PRKCSH: variants seen among roughly 807,000 people sequenced by gnomAD.
PRKCSH encodes PRKCSH beta subunit of glucosidase II.
PRKCSH carries 42 observed loss-of-function variants against 79.7 expected under a neutral mutation model. That is an observed-to-expected ratio of 0.53 (90% confidence interval 0.41 to 0.68). The LOEUF (loss-of-function observed/expected upper bound fraction) is 0.68, where lower values mean the gene tolerates loss of function less well. Ranked by LOEUF, PRKCSH falls within the 30% of genes least tolerant of loss-of-function variation. The probability of loss-of-function intolerance (pLI) is 0.00; values close to 1 mark genes in which losing one functional copy is unlikely to be tolerated. For synonymous variants in PRKCSH, 325 were observed against 288.2 expected, an observed-to-expected ratio of 1.13 and a Z score of -1.29; for missense variants, 686 against 709.0, an observed-to-expected ratio of 0.97 and a Z score of 0.37.
chr19:11,440,310 G>A (rs573352289), intron 5 of PRKCSH, among the ~76,000 whole-genome samples: 1 of 151,260 alleles, frequency 6.6e-6, no homozygotes, highest in South Asian at 2.1e-4. Flanking sequence ...GCTACACCTG[G>A]CTAATTTTTT....
Position 11,441,221 on chromosome 19 carries a change from G to A in PRKCSH, c.351-19G>A, listed in dbSNP as rs772441396. 2 of 1,611,348 alleles carry A rather than the reference G, an allele frequency of 1.2e-6. No homozygotes were observed. Among genetic ancestry groups the A allele is most frequent in the South Asian group, 2.2e-5 (2 of 91,014 alleles). On this transcript the variant is annotated intron_variant, in intron 5 of 17. Transcript: ENST00000677123. ...CCTAAGTGCCCCACTGGTGGTGCCT[G>A]TGTGTCTCCGCACCGCAGAGAGAAG...
At chr19:11,446,965 G>C in intron 9 of PRKCSH, 109 bp from the exon 10 acceptor site, 1 of 1,206,308 alleles carries the variant, frequency 8.3e-7, no homozygotes, top group East Asian at 2.4e-5. Context: ...GGTCATCAGG[G>C]CCCGGGGCCC....
chr19:11,441,372 G>C lies in PRKCSH; in HGVS notation c.468+15G>C, dbSNP rs993564601. On this transcript the variant is annotated intron_variant, in intron 6 of 17. Coordinates refer to ENST00000677123, the MANE Select transcript of PRKCSH (RefSeq NM_001289104.2). ...AGGAGAAGCAGGTAAGGAACCCGCG[G>C]GGGCTGCCCCAGGGTGATCTGGGCC... The C allele has an allele frequency of 6.2e-7, 1 of 1,612,654 alleles. No homozygotes were observed. The highest frequency in any genetic ancestry group is 8.5e-7 in the Non-Finnish European group (1 of 1,179,056).
Position 11,449,308 on chromosome 19 carries a change from A to T in PRKCSH, c.1504A>T (p.Thr502Ser). Residue 502 changes from threonine to serine, a missense_variant, in exon 17 of 18, where the codon ACA becomes TCA. Coordinates refer to ENST00000677123, the MANE Select transcript of PRKCSH (RefSeq NM_001289104.2). This position sits in a 1 kb window ranked among gnomAD's most constrained non-coding sequence, Gnocchi z 6.4. ...GAAAGAGACCATGGTGACCAGCACC[A>T]CAGAGCCCAGTCGCTGCGAGTACCT... ...CGKETMVTST[T>S]EPSRCEYLME... 1 of 1,613,650 alleles carries T rather than the reference A, an allele frequency of 6.2e-7. No individual in the cohort carries two copies. The highest frequency in any genetic ancestry group is 8.5e-7 in the Non-Finnish European group (1 of 1,179,962).
At chr19:11,440,233 C>T (rs933563118) in intron 5 of PRKCSH, among the ~76,000 whole-genome samples, 3 of 151,618 alleles carry the variant, frequency 2.0e-5, no homozygotes, top group African/African-American at 2.4e-5. Context: ...CTGCAAGCTC[C>T]GCTTCCCGAG....
In PRKCSH at chr19:11,447,324, G is replaced by C. The variant is rs532254402; in HGVS notation, c.850-115G>C. 3.6e-4 allele frequency: 490 copies of C among 1,353,890 alleles called. 2 individuals carry two copies. In the African/African-American group the frequency reaches 6.2e-3, roughly 17 times the overall value. 83.9% of individuals were successfully genotyped at this position (1,353,890 alleles called of 1,614,324 possible). ...CCGACCCCAGCTGTCGGTCCTCCCT[G>C]CAGGCCCCGCAGGAGGGGCAGAGAC... is the stretch of plus-strand genomic sequence containing the variant. On this transcript the variant is annotated intron_variant, in intron 10 of 17. Coordinates refer to ENST00000677123, the MANE Select transcript of PRKCSH (RefSeq NM_001289104.2). This position sits in a 1 kb window ranked among gnomAD's most constrained non-coding sequence, Gnocchi z 5.6.
At position 11,447,840 on chromosome 19, in the gene PRKCSH, CGTG is replaced by C; in HGVS notation, c.1126+56_1126+58del. 6.7e-7 allele frequency: 1 copy of C among 1,499,682 alleles called. No homozygotes were observed. The highest frequency in any genetic ancestry group is 9.0e-7 in the Non-Finnish European group (1 of 1,115,784). 92.9% of individuals were successfully genotyped at this position (1,499,682 alleles called of 1,614,324 possible). ...CTCGGGTGGGCCCAGCGTTTCCTGC[CGTG>C]GTGGCACAGGTCGAGGGAAGATCCT... On this transcript the variant is annotated intron_variant, in intron 12 of 17. Coordinates refer to ENST00000677123, the MANE Select transcript of PRKCSH (RefSeq NM_001289104.2). This position sits in a 1 kb window ranked among gnomAD's most constrained non-coding sequence, Gnocchi z 5.6.
chr19:11,448,390 T>C lies in PRKCSH; in HGVS notation c.1196+99T>C, dbSNP rs1970425834. 1 of 1,495,726 alleles carries C rather than the reference T, an allele frequency of 6.7e-7. No homozygotes were observed. Among genetic ancestry groups the C allele is most frequent in the Admixed American group, 1.9e-5 (1 of 51,628 alleles). 92.7% of individuals were successfully genotyped at this position (1,495,726 alleles called of 1,614,324 possible). On this transcript the variant is annotated intron_variant, in intron 13 of 17. Coordinates refer to ENST00000677123, the MANE Select transcript of PRKCSH (RefSeq NM_001289104.2). This position sits in a 1 kb window ranked among gnomAD's most constrained non-coding sequence, Gnocchi z 4.4. The stretch of plus-strand genomic sequence containing the variant: ...GGGAATCACTGAGGCAACCACAGGC[T>C]GGGCCTGGTCCCTGCAGGGAGGGTC...
rs753760259 is a variant in PRKCSH at position 11,447,034 on chromosome 19, G to C, written c.763-40G>C. On this transcript the variant is annotated intron_variant, in intron 9 of 17. Transcript: ENST00000677123. The surrounding 1 kb of genome is among the most constrained non-coding windows in gnomAD (Gnocchi z 5.6). ...CCGGGGTGGCCGAGATGGGGGACACGTGGTGGCCTAGATCTTGACACCACC... is the reference window on the plus strand; with the variant it reads ...CCGGGGTGGCCGAGATGGGGGACACCTGGTGGCCTAGATCTTGACACCACC... 3 of 1,600,852 alleles carry C rather than the reference G, an allele frequency of 1.9e-6. No individual in the cohort carries two copies. In the East Asian group the frequency reaches 6.7e-5, roughly 36 times the overall value.
At position 11,448,614 on chromosome 19, in the gene PRKCSH, A is replaced by G; in HGVS notation, c.1271A>G (p.Glu424Gly). The G allele has an allele frequency of 6.2e-7, 1 of 1,614,082 alleles. No individual in the cohort carries two copies. Among genetic ancestry groups the G allele is most frequent in the Non-Finnish European group, 8.5e-7 (1 of 1,179,946 alleles). ...GCTTACCTGTACAGCCAGTGCTACGAGCTCACCACCAACGAGTGCGTCCCA... is the reference window on the plus strand; with the variant it reads ...GCTTACCTGTACAGCCAGTGCTACGGGCTCACCACCAACGAGTGCGTCCCA... ...EFAYLYSQCYELTTNEYVYRL... is the reference protein window; with the variant it reads ...EFAYLYSQCYGLTTNEYVYRL... Residue 424 changes from glutamate (E) to glycine (G), a missense_variant, in exon 14 of 18, where the codon GAG becomes GGG. By Grantham distance (98) the Glu-to-Gly change is moderately conservative (BLOSUM62 -2). Around this residue, in one of 2 missense-constraint regions of PRKCSH, gnomAD observed 137 missense variants for 188.8 expected, o/e 0.73. Transcript: ENST00000677123. The surrounding 1 kb of genome is among the most constrained non-coding windows in gnomAD (Gnocchi z 4.4).
At position 11,448,421 on chromosome 19, in the gene PRKCSH, G is replaced by T; in HGVS notation, c.1197-119G>T. The stretch of plus-strand genomic sequence containing the variant: ...TGGTCCCTGCAGGGAGGGTCCCTGG[G>T]AGGTGGCAGGGAGGACAGCCTGGGC... On this transcript the variant is annotated intron_variant, in intron 13 of 17. Transcript: ENST00000677123. This position sits in a 1 kb window ranked among gnomAD's most constrained non-coding sequence, Gnocchi z 4.4. 6.9e-7 allele frequency: 1 copy of T among 1,443,556 alleles called. No homozygotes were observed. Among genetic ancestry groups the T allele is most frequent in the Non-Finnish European group, 9.7e-7 (1 of 1,036,158 alleles). 89.4% of individuals were successfully genotyped at this position (1,443,556 alleles called of 1,614,324 possible). A position where few individuals can be genotyped will look rare whatever the true frequency, so the allele number is the denominator to read the frequency against.
intron 3 of PRKCSH, 42 bp from the exon 4 acceptor site, chr19:11,437,834 C>G (rs1041179125): frequency 1.3e-6 from 2 of 1,558,078 alleles, no homozygotes; most frequent in African/African-American, 2.7e-5. Flanking sequence ...ATGTCTGTCC[C>G]TGAGCTGACT....
In PRKCSH at chr19:11,447,417, G is replaced by A. The variant is rs558138927; in HGVS notation, c.850-22G>A. Reference sequence around the variant, plus strand: ...GGGTGGACCCTGAGTCCACAACACCGACCGCACTGCTCACCCGCCAGGCAC... The same window carrying A: ...GGGTGGACCCTGAGTCCACAACACCAACCGCACTGCTCACCCGCCAGGCAC... On this transcript the variant is annotated intron_variant, in intron 10 of 17. Coordinates refer to ENST00000677123, the MANE Select transcript of PRKCSH (RefSeq NM_001289104.2). The surrounding 1 kb of genome is among the most constrained non-coding windows in gnomAD (Gnocchi z 5.6). 17 of 1,611,948 alleles carry A rather than the reference G, an allele frequency of 1.1e-5. No individual in the cohort carries two copies. The highest frequency in any genetic ancestry group is 2.2e-5 in the South Asian group (2 of 90,962).
intron 5 of PRKCSH, 115 bp from the exon 6 acceptor site, chr19:11,441,125 C>T (rs1970042184): frequency 2.0e-6 from 2 of 1,025,552 alleles, no homozygotes; most frequent in Admixed American, 3.4e-5. Context: ...TTGCTCTCAT[C>T]TTTCCCAGCA....
intron 3 of PRKCSH, 91 bp from the exon 4 acceptor site, chr19:11,437,785 A>T: frequency 9.4e-7 from 1 of 1,059,730 alleles, no homozygotes; most frequent in South Asian, 1.3e-5. Flanking sequence ...TGCTGTGTGC[A>T]GTGTGGGTCA....
chr19:11,445,289 G>C (rs1289179900), intron 7 of PRKCSH, 100 bp from the exon 8 acceptor site: 6 of 1,086,472 alleles, frequency 5.5e-6, no homozygotes, highest in Non-Finnish European at 8.4e-6. Flanking sequence ...CATGGGGCCA[G>C]GCATATAGTA....
Position 11,447,524 on chromosome 19 carries a change from C to CGG in PRKCSH, c.935_936insGG (p.Glu314ArgfsTer79). On this transcript the variant is annotated frameshift_variant, in exon 11 of 18. Coordinates refer to ENST00000677123, the MANE Select transcript of PRKCSH (RefSeq NM_001289104.2). LOFTEE classifies it high-confidence loss of function. This position sits in a 1 kb window ranked among gnomAD's most constrained non-coding sequence, Gnocchi z 5.6. ...CAGCCGCCAGTGCCCTCGTCGCCCA[C>CGG]AGAGGAGGAGGAGGAGGAGGAGGAG... 6.3e-7 allele frequency: 1 copy of CGG among 1,593,300 alleles called. No individual in the cohort carries two copies. The highest frequency in any genetic ancestry group is 8.5e-7 in the Non-Finnish European group (1 of 1,172,432).
chr19:11,441,523 C>T (rs772101404), intron 6 of PRKCSH, among the ~76,000 whole-genome samples, 166 bp downstream of exon 6: 2 of 152,112 alleles, frequency 1.3e-5, no homozygotes, highest in Non-Finnish European at 2.9e-5. Flanking sequence ...TAGTCATTGG[C>T]TAAGTATAAT....
rs901743229 is a variant in PRKCSH at position 11,447,653 on chromosome 19, G to A, written c.1029+35G>A. ...TGGGGGAGAAGTGGAGACAGAGAGG[G>A]TGGGGGAAGGGCTACTCACTGACCC... On this transcript the variant is annotated intron_variant, in intron 11 of 17. Transcript: ENST00000677123. This position sits in a 1 kb window ranked among gnomAD's most constrained non-coding sequence, Gnocchi z 5.6. 19 of 1,568,728 alleles carry A rather than the reference G, an allele frequency of 1.2e-5. No individual in the cohort carries two copies. The African/African-American group carries it at 2.2e-4, about 18-fold the overall frequency.
Sources: gnomAD v4.1 joint callset for allele counts (sites outside exome capture counted in the v4.1 genomes callset) on GRCh38, gnomAD v4.1.1 for gene constraint, gnomAD v4.1.1 regional missense constraint, Gnocchi (gnomAD v3.1) non-coding constraint, MANE v1.5 for transcripts, NCBI Gene and HGNC (gene_info 2026-07-23, HGNC 2026-07-21) for gene names.